DOP1B: variants seen among roughly 807,000 people sequenced by gnomAD.
DOP1B encodes protein DOP1B.
DOP1B carries 174 observed loss-of-function variants against 233.5 expected under a neutral mutation model. The observed-to-expected ratio is 0.75, with a 90% CI of 0.66 to 0.85. DOP1B has a LOEUF of 0.85. Ranked by LOEUF, DOP1B falls within the 40% of genes least tolerant of loss-of-function variation. DOP1B has a pLI of 0.00. For synonymous variants in DOP1B, 1,190 were observed against 1,185.6 expected, an observed-to-expected ratio of 1.00 and a Z score of -0.08; for missense variants, 2,652 against 2,846.6, an observed-to-expected ratio of 0.93 and a Z score of 1.56.
chr21:36,174,337 AAT>A (rs1174971381), intron 2 of DOP1B, among the ~76,000 whole-genome samples: 1 of 151,998 alleles, frequency 6.6e-6, no homozygotes, highest in Non-Finnish European at 1.5e-5. Context: ...AAAATGCAAA[AAT>A]TAGCCGGGCG....
At chr21:36,258,878 A>G (rs966529852) in intron 23 of DOP1B, among the ~76,000 whole-genome samples, 13 of 152,166 alleles carry the variant, frequency 8.5e-5, no homozygotes, top group African/African-American at 1.2e-4. Flanking sequence ...TTCGAATGTA[A>G]AAGGACCCGG....
chr21:36,168,373 T>C (rs1413874456), intron 2 of DOP1B, among the ~76,000 whole-genome samples: 3 of 152,262 alleles, frequency 2.0e-5, no homozygotes, highest in African/African-American at 2.4e-5. Context: ...TTCTTTGGGG[T>C]GCATACTTAG....
chr21:36,284,094 C>T (rs1232921295), intron 32 of DOP1B, among the ~76,000 whole-genome samples: 1 of 150,608 alleles, frequency 6.6e-6, no homozygotes, highest in African/African-American at 2.4e-5. Flanking sequence ...ATTACAGGCA[C>T]CAGCCACCAC....
At chr21:36,264,883 A>G (rs1051754973) in intron 26 of DOP1B, among the ~76,000 whole-genome samples, 1 of 152,236 alleles carries the variant, frequency 6.6e-6, no homozygotes, top group Non-Finnish European at 1.5e-5. Context: ...AGGAGAAGGA[A>G]AACTCAGAGT....
At chr21:36,286,035 G>A (rs931717309) in intron 32 of DOP1B, among the ~76,000 whole-genome samples, 8 of 151,644 alleles carry the variant, frequency 5.3e-5, no homozygotes, top group Admixed American at 5.3e-4. Flanking sequence ...AGACAGGAGT[G>A]GAGAATTTCT....
intron 15 of DOP1B, among the ~76,000 whole-genome samples, chr21:36,233,860 G>A: frequency 6.6e-6 from 1 of 152,026 alleles, no homozygotes; most frequent in East Asian, 1.9e-4. Context: ...GACTTTTTTT[G>A]TTGTTGTTGT....
chr21:36,258,925 G>T (rs1341479348), intron 23 of DOP1B, among the ~76,000 whole-genome samples: 2 of 151,334 alleles, frequency 1.3e-5, no homozygotes, highest in Non-Finnish European at 2.9e-5. Context: ...TCTGGCCCAG[G>T]TCTCCCAATC....
At chr21:36,227,162 C>A (rs1054147512) in intron 12 of DOP1B, among the ~76,000 whole-genome samples, 4 of 148,852 alleles carry the variant, frequency 2.7e-5, no homozygotes, top group Non-Finnish European at 6.0e-5. Context: ...GAGCCGAGAT[C>A]ACACCACTGC....
chr21:36,249,320 C>G (rs1337455625), intron 21 of DOP1B, among the ~76,000 whole-genome samples: 1 of 152,070 alleles, frequency 6.6e-6, no homozygotes, highest in Non-Finnish European at 1.5e-5. Context: ...CCGAGCTACT[C>G]AGGAGGCCGA....
intron 11 of DOP1B, 94 bp downstream of exon 11, chr21:36,223,444 A>T: frequency 6.8e-7 from 1 of 1,474,996 alleles, no homozygotes; most frequent in Non-Finnish European, 9.0e-7. Flanking sequence ...ATATATAAGT[A>T]GCTGAAGCTG....
In DOP1B at chr21:36,278,324, G is replaced by A. The variant is rs370211956; in HGVS notation, c.5938G>A (p.Ala1980Thr). 8.1e-6 allele frequency: 13 copies of A among 1,613,530 alleles called. No homozygotes were observed. Among genetic ancestry groups the A allele is most frequent in the East Asian group, 4.5e-5 (2 of 44,894 alleles). ...KEVLELFLDP[A>T]FFQMDTSCVH... is the part of the protein sequence containing the mutation. ...GGTCCTGGAGCTGTTTCTCGACCCC[G>A]CTTTCTTTCAGATGGATACTTCCTG... The change falls in exon 30 of 37, where the codon GCT becomes ACT. Residue 1980 changes from alanine to threonine, a missense_variant. This residue lies in a region of DOP1B where 2,617 missense variants were observed against 2,794.3 expected (regional missense o/e 0.94). Transcript: ENST00000691173.
chr21:36,176,986 T>A (rs866630917), intron 2 of DOP1B, among the ~76,000 whole-genome samples: 1 of 151,798 alleles, frequency 6.6e-6, no homozygotes, highest in Middle Eastern at 3.4e-3. Context: ...ACCTGGCTAA[T>A]TTTTTTTGTA....
chr21:36,212,108 G>T lies in DOP1B; in HGVS notation c.904+11G>T, dbSNP rs1322770118. The T allele has an allele frequency of 1.3e-6, 2 of 1,553,564 alleles. No homozygotes were observed. The highest frequency in any genetic ancestry group is 2.2e-5 in the Admixed American group (1 of 46,306). On this transcript the variant is annotated intron_variant, in intron 7 of 36. Transcript: ENST00000691173. ...ATGCATGGTTACTAGGTACTGAGCA[G>T]TATACACCCTTTTAAAGTCAAAGTT... is the stretch of plus-strand genomic sequence containing the variant.
intron 2 of DOP1B, among the ~76,000 whole-genome samples, chr21:36,190,527 A>G (rs1470865943): frequency 1.3e-5 from 2 of 151,474 alleles, no homozygotes; most frequent in Non-Finnish European, 2.9e-5. Flanking sequence ...TCTCCCAAGT[A>G]TCTGGGATTA....
intron 2 of DOP1B, among the ~76,000 whole-genome samples, chr21:36,191,710 C>T (rs13051731): frequency 0.23 from 34,732 of 150,898 alleles, 4,358 homozygotes; most frequent in African/African-American, 0.33. Flanking sequence ...TGCTTGAACC[C>T]GGAAGGCGGA....
chr21:36,186,957 C>T (rs777165589), intron 2 of DOP1B, among the ~76,000 whole-genome samples: 3 of 152,052 alleles, frequency 2.0e-5, no homozygotes, highest in Non-Finnish European at 4.4e-5. Flanking sequence ...CATTGACTTT[C>T]GGGGCCCGTC....
At chr21:36,214,650 T>G in intron 9 of DOP1B, 94 bp downstream of exon 9, 1 of 1,072,094 alleles carries the variant, frequency 9.3e-7, no homozygotes, top group Non-Finnish European at 1.4e-6. Flanking sequence ...AAAGCGTTAT[T>G]TTGAATATAA....
intron 30 of DOP1B, among the ~76,000 whole-genome samples, chr21:36,279,026 A>C (rs532706888): frequency 6.6e-6 from 1 of 152,032 alleles, no homozygotes; most frequent in East Asian, 1.9e-4. Context: ...CTGATACTCC[A>C]CAAGTTCTTA....
chr21:36,223,481 C>A (rs1398311672), intron 11 of DOP1B, 131 bp downstream of exon 11: 1 of 1,181,606 alleles, frequency 8.5e-7, no homozygotes, highest in Non-Finnish European at 1.2e-6. Flanking sequence ...TTTTAAAATT[C>A]AACTAAAACA....
Sources: allele counts gnomAD v4.1 joint callset (sites outside exome capture counted in the v4.1 genomes callset), GRCh38; gene constraint gnomAD v4.1.1; regional missense constraint gnomAD v4.1.1; transcripts MANE v1.5; gene names NCBI Gene and HGNC (gene_info 2026-07-23, HGNC 2026-07-21).